The following DPYSL3 variants were observed in gnomAD, a reference collection of about 807,000 sequenced individuals.
DPYSL3 encodes dihydropyrimidinase-related protein 3.
Under a neutral mutation model 66.1 loss-of-function variants are expected in DPYSL3, and 16 were observed. That is an observed-to-expected ratio of 0.24 (90% CI 0.16 to 0.37). The LOEUF (loss-of-function observed/expected upper bound fraction) is 0.37, where lower values mean the gene tolerates loss of function less well. DPYSL3 is among the 10% of genes least tolerant of loss of function. DPYSL3 has a pLI of 1.00. For missense variants in DPYSL3, 738 were observed against 916.2 expected (o/e 0.81, Z 2.51); for synonymous variants, 338 against 345.1 (o/e 0.98, Z 0.23).
rs1757887313 is a variant in DPYSL3 at position 147,393,814 on chromosome 5, G to A, written c.*221C>T. 4 of 562,232 alleles carry A rather than the reference G, an allele frequency of 7.1e-6. No individual in the cohort carries two copies. The highest frequency in any genetic ancestry group is 3.1e-5 in the Admixed American group (1 of 32,554). 34.8% of individuals were successfully genotyped at this position (562,232 alleles called of 1,614,324 possible). ...GATTGCATGCATGTAAATGGGGGGAGGGGAGTCAAACAAATCAAGGCTATG... is the reference window on the plus strand; with the variant it reads ...GATTGCATGCATGTAAATGGGGGGAAGGGAGTCAAACAAATCAAGGCTATG... On this transcript the variant is annotated 3_prime_UTR_variant, in exon 14 of 14. Transcript: ENST00000343218.
intron 2 of DPYSL3, among the ~76,000 whole-genome samples, chr5:147,423,871 C>G (rs1291674919): frequency 6.6e-6 from 1 of 152,110 alleles, no homozygotes; most frequent in African/African-American, 2.4e-5. Flanking sequence ...CAGGCATACA[C>G]CAGCACACCC....
chr5:147,487,196 G>C (rs1002716052), intron 1 of DPYSL3, among the ~76,000 whole-genome samples: 4 of 151,888 alleles, frequency 2.6e-5, no homozygotes, highest in African/African-American at 9.7e-5. Context: ...CTTTCCCACT[G>C]TCATTTCCAG....
chr5:147,414,275 T>C (rs1177479252), intron 4 of DPYSL3, among the ~76,000 whole-genome samples: 2 of 152,186 alleles, frequency 1.3e-5, no homozygotes, highest in African/African-American at 4.8e-5. Context: ...AGAACTAAGA[T>C]ACAGATCCTA....
chr5:147,397,919 T>G (rs1254278152), intron 11 of DPYSL3, 74 bp from the exon 12 acceptor site: 1 of 1,392,250 alleles, frequency 7.2e-7, no homozygotes, highest in African/African-American at 1.4e-5. Context: ...CCTTGAGACC[T>G]TCAGTGTCAT....
chr5:147,453,080 G>A (rs1752768481), intron 1 of DPYSL3, among the ~76,000 whole-genome samples: 1 of 152,188 alleles, frequency 6.6e-6, no homozygotes, highest in Non-Finnish European at 1.5e-5. Flanking sequence ...AGGGGTCAGA[G>A]CCGTGGGGCT....
intron 6 of DPYSL3, among the ~76,000 whole-genome samples, chr5:147,411,538 G>A (rs528707980): frequency 1.6e-4 from 25 of 152,254 alleles, no homozygotes; most frequent in African/African-American, 5.8e-4. Flanking sequence ...GAGCCTGGAT[G>A]GTCTCATGTA....
chr5:147,453,692 T>TGGTGCGCTG, intron 1 of DPYSL3: 1 of 1,381,618 alleles, frequency 7.2e-7, no homozygotes, highest in Non-Finnish European at 9.4e-7. Flanking sequence ...GTGGAGTGAA[T>TGGTGCGCTG]GGTGCGCTGG....
chr5:147,417,449 T>C (rs188989308), intron 3 of DPYSL3, among the ~76,000 whole-genome samples: 61 of 152,276 alleles, frequency 4.0e-4, no homozygotes, highest in African/African-American at 1.4e-3. Flanking sequence ...TTTGGTGCAA[T>C]TTTTCTGGGC....
chr5:147,503,688 CA>C (rs1258798569), intron 1 of DPYSL3, among the ~76,000 whole-genome samples: 1 of 152,102 alleles, frequency 6.6e-6, no homozygotes, highest in Non-Finnish European at 1.5e-5. Context: ...GGAGCATGCC[CA>C]AAAAATTTTC....
intron 1 of DPYSL3, among the ~76,000 whole-genome samples, chr5:147,493,804 T>C (rs1193741839): frequency 6.6e-6 from 1 of 152,182 alleles, no homozygotes; most frequent in Non-Finnish European, 1.5e-5. Context: ...TTTAAAAGAA[T>C]AAAATCATGC....
chr5:147,477,087 A>G (rs947991492), intron 1 of DPYSL3, among the ~76,000 whole-genome samples: 19 of 152,242 alleles, frequency 1.2e-4, no homozygotes, highest in African/African-American at 4.3e-4. Flanking sequence ...CATAGAAAAA[A>G]TAAAATCAGT....
intron 1 of DPYSL3, among the ~76,000 whole-genome samples, chr5:147,495,604 A>G (rs1753488580): frequency 6.6e-6 from 1 of 152,192 alleles, no homozygotes; most frequent in African/African-American, 2.4e-5. Context: ...TACACCAATA[A>G]CAGACAAACA....
intron 3 of DPYSL3, 141 bp downstream of exon 3, chr5:147,418,306 T>C (rs1752012332): frequency 7.4e-6 from 6 of 813,224 alleles, no homozygotes; most frequent in Admixed American, 6.2e-5. Context: ...TCAATCTGCT[T>C]TTCTCAGGTC....
chr5:147,508,444 C>T (rs1418261013), intron 1 of DPYSL3, among the ~76,000 whole-genome samples: 1 of 152,172 alleles, frequency 6.6e-6, no homozygotes, highest in Admixed American at 6.5e-5. Context: ...CAGAATAATA[C>T]ATGCGGATGG....
chr5:147,482,620 G>A (rs1753266724), intron 1 of DPYSL3, among the ~76,000 whole-genome samples: 1 of 152,170 alleles, frequency 6.6e-6, no homozygotes. Context: ...GGCCACCAAG[G>A]GGTAGAGGCT....
intron 1 of DPYSL3, among the ~76,000 whole-genome samples, chr5:147,433,708 G>A (rs1482469966): frequency 6.6e-6 from 1 of 152,166 alleles, no homozygotes; most frequent in African/African-American, 2.4e-5. Flanking sequence ...GCTACTGTGA[G>A]AGTTAAAGAC....
intron 8 of DPYSL3, among the ~76,000 whole-genome samples, chr5:147,402,332 C>T (rs1225024452): frequency 6.7e-6 from 1 of 148,272 alleles, no homozygotes; most frequent in East Asian, 2.0e-4. Flanking sequence ...GGATTAGAGA[C>T]TCTCATGACT....
At chr5:147,408,895 G>T in intron 6 of DPYSL3, 99 bp from the exon 7 acceptor site, 1 of 1,185,610 alleles carries the variant, frequency 8.4e-7, no homozygotes, top group Non-Finnish European at 1.2e-6. Context: ...GAATAAATAT[G>T]CGTATGTTGA....
intron 1 of DPYSL3, among the ~76,000 whole-genome samples, chr5:147,481,435 G>T (rs1271906639): frequency 2.6e-5 from 4 of 152,198 alleles, no homozygotes; most frequent in African/African-American, 9.7e-5. Flanking sequence ...GAAGACAGGA[G>T]GTTCCTGGGT....
Sources: gnomAD v4.1 joint callset for allele counts (sites outside exome capture counted in the v4.1 genomes callset) on GRCh38, gnomAD v4.1.1 for gene constraint, MANE v1.5 for transcripts, NCBI Gene and HGNC (gene_info 2026-07-23, HGNC 2026-07-21) for gene names.